Variants in ADGRG1 observed in about 807,000 individuals in gnomAD.
The protein encoded by ADGRG1 is adhesion G protein-coupled receptor G1.
In ADGRG1, 53 loss-of-function variants were observed where a neutral mutation model predicts 73.5. The observed-to-expected ratio is 0.72, with a 90% confidence interval of 0.58 to 0.91. ADGRG1 has a LOEUF of 0.91. Among genes scored for constraint, ADGRG1 ranks in the 40% least tolerant of loss-of-function variants. ADGRG1 has a pLI of 0.00. For missense variants in ADGRG1, 795 were observed against 871.8 expected (o/e 0.91, Z 1.11); for synonymous variants, 394 against 374.4 (o/e 1.05, Z -0.60).
intron 10 of ADGRG1, chr16:57,658,910 T>C (rs2046381155): frequency 1.5e-5 from 15 of 979,712 alleles, no homozygotes; most frequent in Non-Finnish European, 1.8e-5. Flanking sequence ...GCCTGCATGT[T>C]CTGCTGCACC....
chr16:57,628,658 A>C lies in ADGRG1; in HGVS notation c.-180A>C, dbSNP rs796081898. On this transcript the variant is annotated 5_prime_UTR_variant, in exon 1 of 14. Coordinates refer to ENST00000562631, the MANE Select transcript of ADGRG1 (RefSeq NM_201525.4). Reference sequence around the variant, plus strand: ...CTAGCTGTCTGCCCTGCCCTGCCGTAGGAGATGGGCTGGGAGCCTCCCACG... The same window carrying C: ...CTAGCTGTCTGCCCTGCCCTGCCGTCGGAGATGGGCTGGGAGCCTCCCACG... 6 of 985,522 alleles carry C rather than the reference A, an allele frequency of 6.1e-6. No individual in the cohort carries two copies. The African/African-American group carries it at 8.7e-5, about 14-fold the overall frequency. 61.0% of individuals were successfully genotyped at this position (985,522 alleles called of 1,614,324 possible).
Position 57,661,758 on chromosome 16 carries a change from T to G in ADGRG1, c.1726T>G (p.Phe576Val). 12 of 1,614,198 alleles carry G rather than the reference T, an allele frequency of 7.4e-6. No homozygotes were observed. Among genetic ancestry groups the G allele is most frequent in the Non-Finnish European group, 1.0e-5 (12 of 1,180,036 alleles). Residue 576 changes from phenylalanine to valine, a missense_variant, in exon 13 of 14, where the codon TTT becomes GTT. Coordinates refer to ENST00000562631, the MANE Select transcript of ADGRG1 (RefSeq NM_201525.4). ...ITNLGLFSLV[F>V]LFNMAMLATM... ...CAACCTGGGCCTCTTCAGCCTGGTG[T>G]TTCTGTTCAACATGGCCATGCTAGC...
At chr16:57,625,069 G>A (rs2035571949), upstream of ADGRG1, among the ~76,000 whole-genome samples, 1 of 152,032 alleles carries the variant, frequency 6.6e-6, no homozygotes, top group Non-Finnish European at 1.5e-5. Context: ...GGCTCAGAGA[G>A]GGTGCAGCAG....
chr16:57,629,122 G>A lies in ADGRG1; in HGVS notation c.-36+320G>A, dbSNP rs1075671. 5,289 of 966,482 alleles carry A rather than the reference G, an allele frequency of 5.5e-3. 236 individuals are homozygous for A. The African/African-American group carries it at 0.086, about 16-fold the overall frequency. The allele number at this position is 966,482 out of a possible 1,614,324, so 59.9% of individuals were successfully genotyped here. A position where few individuals can be genotyped will look rare whatever the true frequency, so the allele number is the denominator to read the frequency against. On this transcript the variant is annotated intron_variant, in intron 1 of 13. Transcript: ENST00000562631. ...AGTGTGGATGTGTGCATCCGTGCAC[G>A]GGTGGCTGTTGGACAGTGGGTAGGG... is the stretch of plus-strand genomic sequence containing the variant.
At chr16:57,639,487 G>A in intron 1 of ADGRG1, 1 of 985,446 alleles carries the variant, frequency 1.0e-6, no homozygotes, top group Non-Finnish European at 1.2e-6. Flanking sequence ...TTTGTTTGAA[G>A]CTCCAGTGAG....
chr16:57,645,081 C>T (rs1335186399), intron 1 of ADGRG1: 1 of 985,296 alleles, frequency 1.0e-6, no homozygotes, highest in Non-Finnish European at 1.2e-6. Context: ...ACCCACATGC[C>T]TGTGTAACTC....
intron 2 of ADGRG1, 153 bp from the exon 3 acceptor site, chr16:57,651,047 G>C: frequency 6.4e-7 from 1 of 1,551,824 alleles, no homozygotes; most frequent in African/African-American, 1.4e-5. Flanking sequence ...GATAAGTTTT[G>C]AGTGGGAAAG....
chr16:57,661,975 A>G lies in ADGRG1; in HGVS notation c.1933+10A>G, dbSNP rs137936275. On this transcript the variant is annotated intron_variant, in intron 13 of 13. Coordinates refer to ENST00000562631, the MANE Select transcript of ADGRG1 (RefSeq NM_201525.4). The stretch of plus-strand genomic sequence containing the variant: ...ATCACCTCCTTCCAAGGTAAGGAGA[A>G]GACCCGTCCCTTGGCCCAGGCAGGG... 8.2e-4 allele frequency: 1,312 copies of G among 1,606,048 alleles called. 9 individuals are homozygous for G. In the African/African-American group the frequency reaches 0.014, roughly 17 times the overall value.
intron 1 of ADGRG1, chr16:57,636,449 A>C: frequency 1.0e-6 from 1 of 985,236 alleles, no homozygotes; most frequent in East Asian, 1.1e-4. Flanking sequence ...GGCTATGCAC[A>C]GTCTTGGGAA....
chr16:57,655,361 G>A lies in ADGRG1; in HGVS notation c.769-38G>A, dbSNP rs751162992. 15 of 1,608,266 alleles carry A rather than the reference G, an allele frequency of 9.3e-6. No homozygotes were observed. The Admixed American group carries it at 2.2e-4, about 23-fold the overall frequency. On this transcript the variant is annotated intron_variant, in intron 5 of 13. Coordinates refer to ENST00000562631, the MANE Select transcript of ADGRG1 (RefSeq NM_201525.4). ...CTAGGGTGGGGGGCACGGATCTAGGGGTCCGCATTTGGCTGAGCCCTAAAG... is the reference window on the plus strand; with the variant it reads ...CTAGGGTGGGGGGCACGGATCTAGGAGTCCGCATTTGGCTGAGCCCTAAAG...
chr16:57,642,418 G>C (rs1597291022), intron 1 of ADGRG1: 1 of 985,260 alleles, frequency 1.0e-6, no homozygotes. Flanking sequence ...GCTCAAAGGG[G>C]AAGGGAGGGG....
rs1389944853 is a variant in ADGRG1, at chr16:57,628,861, TGA to T, written c.-36+61_-36+62del. ...GGGGAATAGTGTGAGTGTGAGAGTG[TGA>T]GTGTGTGAGCGTGAGTGTGTGAGAG... is the stretch of plus-strand genomic sequence containing the variant. On this transcript the variant is annotated intron_variant, in intron 1 of 13. Transcript: ENST00000562631. 2.3e-5 allele frequency: 22 copies of T among 945,840 alleles called. 1 individual carries two copies. Among genetic ancestry groups the T allele is most frequent in the Non-Finnish European group, 2.7e-5 (22 of 800,028 alleles). The allele number at this position is 945,840 out of a possible 1,614,324, so 58.6% of individuals were successfully genotyped here.
In ADGRG1 at chr16:57,653,314, C is replaced by T. The variant is rs1277731269; in HGVS notation, c.599C>T (p.Pro200Leu). The T allele has an allele frequency of 1.2e-6, 2 of 1,610,440 alleles. No individual in the cohort carries two copies. Among genetic ancestry groups the T allele is most frequent in the East Asian group, 2.2e-5 (1 of 44,854 alleles). Residue 200 changes from proline to leucine, a missense_variant, in exon 4 of 14, where the codon CCC (proline) becomes CTC (leucine). Physicochemically the swap from Pro to Leu is moderately conservative, Grantham distance 98. Transcript: ENST00000562631. ...LKHPQKASRR[P>L]SAAPASQQLQ... The stretch of plus-strand genomic sequence containing the variant: ...CATCCCCAGAAGGCCTCAAGGAGGC[C>T]CTCGGCTGCCCCCGCCAGCCAGTAA...
At chr16:57,630,008 T>A in intron 1 of ADGRG1, 1 of 984,988 alleles carries the variant, frequency 1.0e-6, no homozygotes, top group Non-Finnish European at 1.2e-6. Context: ...CCACGGGCTG[T>A]GTAGGAATAG....
chr16:57,628,245 G>C (rs1334603556), upstream of ADGRG1: 2 of 920,454 alleles, frequency 2.2e-6, no homozygotes, highest in East Asian at 1.2e-4. Context: ...CCTGACCTGG[G>C]GGGTGGGCGG....
rs758222525 is a variant in ADGRG1, at chr16:57,651,585, C to A, written c.450C>A (p.Ser150Arg). 6.2e-7 allele frequency: 1 copy of A among 1,614,042 alleles called. No homozygotes were observed. Among genetic ancestry groups the A allele is most frequent in the South Asian group, 1.1e-5 (1 of 91,088 alleles). Residue 150 changes from serine to arginine, a missense_variant, in exon 3 of 14, where the codon AGC becomes AGA. Ser to Arg is a moderately radical substitution (Grantham distance 110). Transcript: ENST00000562631. ...VTSWWSPQNI[S>R]LPSAASFTFS... The stretch of plus-strand genomic sequence containing the variant: ...CCTGGTGGAGCCCTCAGAACATCAG[C>A]CTGCCCAGTGCCGCCAGCTTCACCT...
intron 1 of ADGRG1, chr16:57,630,587 T>C: frequency 1.1e-6 from 1 of 945,508 alleles, no homozygotes; most frequent in Non-Finnish European, 1.3e-6. Flanking sequence ...ACGGACAGGC[T>C]GTGTCCCGGC....
At chr16:57,637,508 T>C in intron 1 of ADGRG1, 1 of 985,434 alleles carries the variant, frequency 1.0e-6, no homozygotes, top group Non-Finnish European at 1.2e-6. Flanking sequence ...CAGCTCCCTT[T>C]AAGCACAGGA....
chr16:57,662,651 G>T (rs963168314), intron 13 of ADGRG1, among the ~76,000 whole-genome samples: 2 of 152,078 alleles, frequency 1.3e-5, no homozygotes, highest in South Asian at 4.1e-4. Flanking sequence ...CCGGTTGTGT[G>T]TAGGAAGGAC....
Sources: gnomAD v4.1 joint callset for allele counts (sites outside exome capture counted in the v4.1 genomes callset) on GRCh38, gnomAD v4.1.1 for gene constraint, MANE v1.5 for transcripts, NCBI Gene and HGNC (gene_info 2026-07-23, HGNC 2026-07-21) for gene names.